Variants in ADGRL2 observed in about 807,000 individuals in gnomAD.
The protein encoded by ADGRL2 is adhesion G protein-coupled receptor L2.
In ADGRL2, 44 loss-of-function variants were observed where a neutral mutation model predicts 157.4. The ratio of observed to expected loss-of-function variants is 0.28; its 90% CI spans 0.22 to 0.36. The LOEUF (loss-of-function observed/expected upper bound fraction) is 0.36, where lower values mean the gene tolerates loss of function less well. ADGRL2 is among the 10% of genes least tolerant of loss of function. The probability of loss-of-function intolerance (pLI) is 1.00; values close to 1 mark genes in which losing one functional copy is unlikely to be tolerated. For missense variants in ADGRL2, 1,510 were observed against 1,768.9 expected (o/e 0.85, Z 2.63); for synonymous variants, 585 against 624.7 (o/e 0.94, Z 0.95).
intron 7 of ADGRL2, among the ~76,000 whole-genome samples, chr1:81,950,796 G>A (rs1651528793): frequency 6.6e-6 from 1 of 152,026 alleles, no homozygotes; most frequent in African/African-American, 2.4e-5. Flanking sequence ...AGAAAATTAA[G>A]GGTTTTTGTT....
At chr1:81,622,453 C>T (rs533498568) in intron 3 of ADGRL2, among the ~76,000 whole-genome samples, 11 of 152,214 alleles carry the variant, frequency 7.2e-5, no homozygotes, top group African/African-American at 1.4e-4. Flanking sequence ...TGGTGGCACA[C>T]GCCTGTAGTC....
intron 3 of ADGRL2, among the ~76,000 whole-genome samples, chr1:81,682,889 T>C (rs2083149552): frequency 6.6e-6 from 1 of 152,126 alleles, no homozygotes; most frequent in Non-Finnish European, 1.5e-5. Flanking sequence ...CCCAGCACTT[T>C]GGGAGGCCGA....
intron 3 of ADGRL2, among the ~76,000 whole-genome samples, chr1:81,925,538 G>A (rs1190000993): frequency 1.4e-5 from 2 of 147,128 alleles, no homozygotes; most frequent in Non-Finnish European, 3.0e-5. Context: ...ATGAATAGCA[G>A]TGTTTTCTTC....
intron 1 of ADGRL2, among the ~76,000 whole-genome samples, chr1:81,737,062 C>G (rs2149205961): frequency 6.6e-6 from 1 of 152,134 alleles, no homozygotes; most frequent in South Asian, 2.1e-4. Flanking sequence ...TCTCGATCTC[C>G]TGACCTCATG....
At chr1:81,358,012 A>T (rs1465008494) in intron 1 of ADGRL2, among the ~76,000 whole-genome samples, 1 of 152,248 alleles carries the variant, frequency 6.6e-6, no homozygotes, top group East Asian at 1.9e-4. Flanking sequence ...GCAAAAGCTG[A>T]ATAACAATCA....
intron 1 of ADGRL2, among the ~76,000 whole-genome samples, chr1:81,754,218 T>TTCCTCTCTCTC (rs1280900258): frequency 8.0e-6 from 1 of 124,654 alleles, no homozygotes; most frequent in Non-Finnish European, 1.7e-5. Context: ...CCTCCCTTCC[T>TTCCTCTCTCTC]TCCTCTCTCT....
At chr1:81,618,417 T>C (rs907751468) in intron 3 of ADGRL2, among the ~76,000 whole-genome samples, 1 of 152,346 alleles carries the variant, frequency 6.6e-6, no homozygotes, top group South Asian at 2.1e-4. Context: ...GTTTCCCATG[T>C]AATGTCACCA....
chr1:81,399,746 G>C (rs1267069546), intron 1 of ADGRL2, among the ~76,000 whole-genome samples: 1 of 152,070 alleles, frequency 6.6e-6, no homozygotes, highest in South Asian at 2.1e-4. Flanking sequence ...GTTGCCTTAA[G>C]ATTATTATCC....
At chr1:81,463,157 T>C (rs573237529) in intron 2 of ADGRL2, among the ~76,000 whole-genome samples, 25 of 149,046 alleles carry the variant, frequency 1.7e-4, no homozygotes, top group Middle Eastern at 3.5e-3. Context: ...AAAAAACAAG[T>C]TGTGTAAACT....
At chr1:81,867,750 A>C (rs2093584174) in intron 2 of ADGRL2, among the ~76,000 whole-genome samples, 1 of 152,198 alleles carries the variant, frequency 6.6e-6, no homozygotes, top group Non-Finnish European at 1.5e-5. Flanking sequence ...TATTCAAAAA[A>C]ATTTTAATTC....
chr1:81,517,155 C>T (rs750938246), intron 2 of ADGRL2, among the ~76,000 whole-genome samples: 5 of 151,848 alleles, frequency 3.3e-5, no homozygotes, highest in African/African-American at 4.8e-5. Context: ...AGAGGTGAAC[C>T]TTGTTAGTGG....
chr1:81,687,019 C>T (rs1458729133), intron 3 of ADGRL2, among the ~76,000 whole-genome samples: 3 of 152,062 alleles, frequency 2.0e-5, no homozygotes, highest in South Asian at 4.1e-4. Flanking sequence ...TTTCAATTTT[C>T]TTAAATTTAT....
intron 2 of ADGRL2, among the ~76,000 whole-genome samples, chr1:81,895,079 C>T (rs1306037352): frequency 6.6e-6 from 1 of 152,044 alleles, no homozygotes; most frequent in African/African-American, 2.4e-5. Context: ...AGTGTCTTTC[C>T]TTTCTAAGAC....
intron 1 of ADGRL2, chr1:81,722,587 T>C: frequency 6.9e-7 from 1 of 1,454,624 alleles, no homozygotes; most frequent in Non-Finnish European, 9.5e-7. Flanking sequence ...CCTAGGCCAC[T>C]GGGAAGATGT....
chr1:81,575,215 T>C (rs1452317555), intron 2 of ADGRL2, among the ~76,000 whole-genome samples: 2 of 152,202 alleles, frequency 1.3e-5, no homozygotes, highest in African/African-American at 4.8e-5. Flanking sequence ...GTTTAAAAAC[T>C]GCAGGAGCTA....
intron 1 of ADGRL2, among the ~76,000 whole-genome samples, chr1:81,423,972 T>C (rs146814803): frequency 2.0e-5 from 3 of 152,374 alleles, no homozygotes; most frequent in Non-Finnish European, 2.9e-5. Context: ...GCTTTCTATA[T>C]AGTTGGTTGT....
chr1:81,858,482 C>T (rs952566936), intron 2 of ADGRL2, among the ~76,000 whole-genome samples: 16 of 152,118 alleles, frequency 1.1e-4, no homozygotes, highest in Non-Finnish European at 1.8e-4. Flanking sequence ...TGTAAAATTC[C>T]TCTTAGGGCA....
At chr1:81,936,638 A>C in intron 3 of ADGRL2, 90 bp from the exon 4 acceptor site, 1 of 679,316 alleles carries the variant, frequency 1.5e-6, no homozygotes, top group South Asian at 2.6e-5. Flanking sequence ...CTGGTTGCTT[A>C]AAGAAAATGA....
chr1:81,523,979 T>C (rs1441255369), intron 2 of ADGRL2, among the ~76,000 whole-genome samples: 1 of 151,100 alleles, frequency 6.6e-6, no homozygotes, highest in Non-Finnish European at 1.5e-5. Flanking sequence ...GCAGGTGAAC[T>C]GCTTGAACCC....
Sources: gnomAD v4.1 joint callset for allele counts (sites outside exome capture counted in the v4.1 genomes callset) on GRCh38, gnomAD v4.1.1 for gene constraint, MANE v1.5 for transcripts, NCBI Gene and HGNC (gene_info 2026-07-23, HGNC 2026-07-21) for gene names.